The following GPR158 variants were observed in gnomAD, a reference collection of about 807,000 sequenced individuals.
GPR158 encodes the protein metabotropic glycine receptor.
Under a neutral mutation model 78.2 loss-of-function variants are expected in GPR158, and 30 were observed. The observed-to-expected ratio is 0.38, with a 90% CI of 0.29 to 0.52. The LOEUF is 0.52. Ranked by LOEUF, GPR158 falls within the 20% of genes least tolerant of loss-of-function variation. The probability of loss-of-function intolerance (pLI) is 0.83; values close to 1 mark genes in which losing one functional copy is unlikely to be tolerated. For missense variants in GPR158, 1,463 were observed against 1,523.5 expected (o/e 0.96, Z 0.66); for synonymous variants, 581 against 591.1 (o/e 0.98, Z 0.25).
At chr10:25,532,838 C>A (rs1464261224) in intron 5 of GPR158, among the ~76,000 whole-genome samples, 1 of 152,010 alleles carries the variant, frequency 6.6e-6, no homozygotes, top group Non-Finnish European at 1.5e-5. Flanking sequence ...AGATAGTCTT[C>A]ATGGTCTATT....
intron 7 of GPR158, among the ~76,000 whole-genome samples, chr10:25,585,902 C>T (rs2130744520): frequency 6.6e-6 from 1 of 152,224 alleles, no homozygotes. Context: ...TCAGTTGAAC[C>T]CTGGAGGCAG....
rs546513834 is a variant in GPR158, at chr10:25,362,448, T to C, written c.1009-33463T>C. Among the ~76,000 whole-genome samples, 20 of 152,076 alleles carry C rather than the reference T, an allele frequency of 1.3e-4. No individual in the cohort carries two copies. In the South Asian group the frequency reaches 1.4e-3, roughly 11 times the overall value. ...TTGGCTATTTGGGCTCCCTTGATATTCTATATGAATTTTAAGATGAACTTC... is the reference window on the plus strand; with the variant it reads ...TTGGCTATTTGGGCTCCCTTGATATCCTATATGAATTTTAAGATGAACTTC... On this transcript the variant is annotated intron_variant, in intron 2 of 10. Transcript: ENST00000376351.
chr10:25,435,031 A>G (rs1834980779), intron 4 of GPR158, among the ~76,000 whole-genome samples: 1 of 152,218 alleles, frequency 6.6e-6, no homozygotes, highest in African/African-American at 2.4e-5. Flanking sequence ...TTTGCACTTT[A>G]TCCTGTGGGC....
chr10:25,231,478 A>G (rs1354377886), intron 2 of GPR158, among the ~76,000 whole-genome samples: 3 of 152,188 alleles, frequency 2.0e-5, no homozygotes, highest in South Asian at 2.1e-4. Context: ...CCTGAATGAC[A>G]CTGCTTTTAT....
intron 5 of GPR158, among the ~76,000 whole-genome samples, chr10:25,492,977 G>T (rs1254854101): frequency 6.6e-6 from 1 of 151,522 alleles, no homozygotes; most frequent in Non-Finnish European, 1.5e-5. Context: ...ATTTGAAAAT[G>T]ATTTATCAAG....
rs758189065 is a variant in GPR158 at position 25,221,054 on chromosome 10, G to T, written c.905G>T (p.Gly302Val). 4 of 1,461,936 alleles carry T rather than the reference G, an allele frequency of 2.7e-6. No homozygotes were observed. Among genetic ancestry groups the T allele is most frequent in the Non-Finnish European group, 3.8e-6 (4 of 1,046,802 alleles). The allele number at this position is 1,461,936 out of a possible 1,614,324, so 90.6% of individuals were successfully genotyped here. A position where few individuals can be genotyped will look rare whatever the true frequency, so the allele number is the denominator to read the frequency against. Reference sequence around the variant, plus strand: ...TTTTTATCCTTTTCTATTTCTAGGGGTGTCATGAAAGTTGACATAAATCTT... The same window carrying T: ...TTTTTATCCTTTTCTATTTCTAGGGTTGTCATGAAAGTTGACATAAATCTT... ...LQPNLVPEFR[G>V]VMKVDINLQK... The change falls in exon 2 of 11, where the codon GGT (glycine) becomes GTT (valine). Residue 302 changes from glycine to valine, a missense_variant and splice_region_variant. Transcript: ENST00000376351.
intron 2 of GPR158, among the ~76,000 whole-genome samples, chr10:25,344,055 C>T (rs953331924): frequency 6.6e-6 from 1 of 151,940 alleles, no homozygotes. Context: ...CATTATTGCT[C>T]TGTGCTTAGC....
At chr10:25,535,213 A>G (rs1278545456) in intron 5 of GPR158, among the ~76,000 whole-genome samples, 1 of 152,218 alleles carries the variant, frequency 6.6e-6, no homozygotes, top group Admixed American at 6.5e-5. Context: ...CCTCCTGGTA[A>G]TCATGGCCTA....
At chr10:25,412,171 G>T in intron 3 of GPR158, 79 bp from the exon 4 acceptor site, 1 of 920,474 alleles carries the variant, frequency 1.1e-6, no homozygotes, top group Admixed American at 1.8e-5. Flanking sequence ...GAGGAGTCAC[G>T]GATGTCTTTT....
chr10:25,202,599 G>A (rs1852948978), intron 1 of GPR158, among the ~76,000 whole-genome samples: 1 of 152,056 alleles, frequency 6.6e-6, no homozygotes, highest in East Asian at 1.9e-4. Flanking sequence ...CTTTTTTATG[G>A]CTGCATAGTA....
intron 1 of GPR158, among the ~76,000 whole-genome samples, chr10:25,217,515 C>A (rs897918416): frequency 6.6e-6 from 1 of 152,138 alleles, no homozygotes; most frequent in African/African-American, 2.4e-5. Flanking sequence ...AGCTACAAAC[C>A]AGGATCTTTA....
In GPR158 at chr10:25,594,375, T is replaced by C. The variant is rs1387314771; in HGVS notation, c.1976T>C (p.Ile659Thr). The C allele has an allele frequency of 1.4e-5, 22 of 1,549,468 alleles. No individual in the cohort carries two copies. Among genetic ancestry groups the C allele is most frequent in the Admixed American group, 1.2e-4 (7 of 57,988 alleles). Residue 659 changes from isoleucine (I) to threonine (T), a missense_variant, in exon 9 of 11, where the codon ATT becomes ACT. Transcript: ENST00000376351. ...ACTCATTTGACTGTGACAGTCACCA[T>C]TGGGTTGCTTTTGATTCCAAAGGTA... ...AHTHLTVTVTIGLLLIPKFSH... is the reference protein window; with the variant it reads ...AHTHLTVTVTTGLLLIPKFSH...
At chr10:25,534,478 A>C (rs1296407726) in intron 5 of GPR158, among the ~76,000 whole-genome samples, 1 of 151,954 alleles carries the variant, frequency 6.6e-6, no homozygotes, top group Non-Finnish European at 1.5e-5. Context: ...CTGTACTAAA[A>C]ATGCAAAAAA....
intron 5 of GPR158, among the ~76,000 whole-genome samples, chr10:25,503,633 ACT>A (rs1835971790): frequency 6.6e-6 from 1 of 151,908 alleles, no homozygotes; most frequent in Admixed American, 6.6e-5. Flanking sequence ...AATGTATTAA[ACT>A]CTGCACAAAT....
At chr10:25,490,196 T>C (rs1835786401) in intron 5 of GPR158, among the ~76,000 whole-genome samples, 1 of 151,998 alleles carries the variant, frequency 6.6e-6, no homozygotes, top group Admixed American at 6.6e-5. Context: ...AAACCTAAAC[T>C]GGAACTCTTC....
chr10:25,282,209 A>G (rs778886042), intron 2 of GPR158, among the ~76,000 whole-genome samples: 12 of 152,206 alleles, frequency 7.9e-5, no homozygotes, highest in Non-Finnish European at 1.6e-4. Context: ...CCAGAAAATC[A>G]TATAAATAAA....
At chr10:25,473,219 G>GT (rs141833470) in intron 5 of GPR158, among the ~76,000 whole-genome samples, 36,339 of 151,214 alleles carry the variant, frequency 0.24, 6,004 homozygotes, top group African/African-American at 0.47. Flanking sequence ...TAATCATGTG[G>GT]TTTTTGTCTT....
intron 2 of GPR158, among the ~76,000 whole-genome samples, chr10:25,299,454 C>A (rs1854560753): frequency 6.6e-6 from 1 of 152,140 alleles, no homozygotes; most frequent in Admixed American, 6.5e-5. Flanking sequence ...CATATTTGAT[C>A]TTGTTTTAGA....
intron 2 of GPR158, among the ~76,000 whole-genome samples, chr10:25,342,284 T>C (rs541206): frequency 0.61 from 92,781 of 151,414 alleles, 30,428 homozygotes; most frequent in Non-Finnish European, 0.76. Context: ...TGACTTTCCA[T>C]GTCTGCTGAT....
Sources: gnomAD v4.1 joint callset for allele counts (sites outside exome capture counted in the v4.1 genomes callset) on GRCh38, gnomAD v4.1.1 for gene constraint, MANE v1.5 for transcripts, NCBI Gene and HGNC (gene_info 2026-07-23, HGNC 2026-07-21) for gene names.